Variants in CDH13 observed in about 807,000 individuals in gnomAD.
CDH13 encodes the protein cadherin 13.
A neutral mutation model predicts 63.8 loss-of-function variants in CDH13; 24 were observed. The ratio of observed to expected loss-of-function variants is 0.38; its 90% CI spans 0.27 to 0.53. The LOEUF (loss-of-function observed/expected upper bound fraction) is 0.53. Among genes scored for constraint, CDH13 ranks in the 20% least tolerant of loss-of-function variants. The pLI is 0.85. For synonymous variants in CDH13, 503 were observed against 355.3 expected (o/e 1.42, Z -4.67); for missense variants, 1,049 against 903.1 (o/e 1.16, Z -2.07).
intron 5 of CDH13, among the ~76,000 whole-genome samples, chr16:83,332,352 A>C (rs2090498423): frequency 6.6e-6 from 1 of 152,140 alleles, no homozygotes; most frequent in Non-Finnish European, 1.5e-5. Flanking sequence ...ATCCATCTGG[A>C]ATTCATTAGA....
chr16:83,338,846 A>G (rs895112832), intron 5 of CDH13, among the ~76,000 whole-genome samples: 1 of 152,206 alleles, frequency 6.6e-6, no homozygotes, highest in Admixed American at 6.5e-5. Flanking sequence ...ACATGAAATG[A>G]GTGTGAGGAA....
intron 7 of CDH13, among the ~76,000 whole-genome samples, chr16:83,560,900 C>CT (rs202123241): frequency 6.8e-5 from 2 of 29,536 alleles, no homozygotes; most frequent in Non-Finnish European, 2.1e-4. Flanking sequence ...ATAAGGTTGG[C>CT]CCCCCCCCCG....
intron 6 of CDH13, among the ~76,000 whole-genome samples, chr16:83,424,412 G>C (rs1379192425): frequency 6.6e-6 from 1 of 152,200 alleles, no homozygotes; most frequent in African/African-American, 2.4e-5. Context: ...AGCAGCCTTG[G>C]AGCTTTAGTT....
intron 1 of CDH13, among the ~76,000 whole-genome samples, chr16:82,808,869 T>G (rs1006240271): frequency 6.6e-6 from 1 of 152,202 alleles, no homozygotes; most frequent in African/African-American, 2.4e-5. Context: ...TTTTTACTAT[T>G]GTTTTTCATG....
intron 5 of CDH13, among the ~76,000 whole-genome samples, chr16:83,313,467 G>T (rs1327651636): frequency 2.6e-5 from 4 of 152,028 alleles, no homozygotes; most frequent in African/African-American, 7.3e-5. Flanking sequence ...TTTCAGTAAG[G>T]TTACTCTGTG....
At chr16:83,093,565 C>A (rs987173119) in intron 3 of CDH13, among the ~76,000 whole-genome samples, 2 of 151,968 alleles carry the variant, frequency 1.3e-5, no homozygotes, top group African/African-American at 4.8e-5. Flanking sequence ...GGTGATCCAC[C>A]TACCTCGGCC....
chr16:83,038,868 C>T (rs144323573), intron 3 of CDH13, among the ~76,000 whole-genome samples: 25 of 152,296 alleles, frequency 1.6e-4, no homozygotes, highest in Non-Finnish European at 2.2e-4. Context: ...TTGTAGCTTG[C>T]CTGATTATAG....
At chr16:83,683,928 T>C (rs1021963397) in intron 10 of CDH13, among the ~76,000 whole-genome samples, 2 of 152,228 alleles carry the variant, frequency 1.3e-5, no homozygotes, top group African/African-American at 4.8e-5. Context: ...AGGTTCCCAC[T>C]CTGTCGTCTC....
At chr16:83,263,324 G>C (rs1907206084) in intron 5 of CDH13, among the ~76,000 whole-genome samples, 1 of 152,158 alleles carries the variant, frequency 6.6e-6, no homozygotes, top group Non-Finnish European at 1.5e-5. Context: ...ACATTTCCAG[G>C]ATCAGTGAAT....
chr16:83,033,139 T>C (rs548981337), intron 3 of CDH13, among the ~76,000 whole-genome samples: 1 of 152,340 alleles, frequency 6.6e-6, no homozygotes, highest in South Asian at 2.1e-4. Context: ...TGTATACACA[T>C]ATGTATACAT....
At chr16:83,265,760 T>C (rs1175878296) in intron 5 of CDH13, among the ~76,000 whole-genome samples, 1 of 126,958 alleles carries the variant, frequency 7.9e-6, no homozygotes, top group Non-Finnish European at 1.6e-5. Context: ...TTTTGGTCTG[T>C]GTCATGTTAG....
chr16:83,717,212 A>C (rs8050410), intron 10 of CDH13: 1 of 152,128 alleles, frequency 6.6e-6, no homozygotes, highest in African/African-American at 2.4e-5. Flanking sequence ...GTGAGCCAAG[A>C]TTGCACCACT....
Position 83,670,810 on chromosome 16 carries a change from A to C in CDH13, c.1122A>C (p.Glu374Asp). ...TKKEFQATVE[E>D]GAVGVIVNLT... ...TGCAGTTTCAAGCCACAGTCGAGGA[A>C]GGAGCTGTGGGAGTTATTGTCAATT... The change falls in exon 9 of 14, where the codon GAA becomes GAC. Residue 374 changes from glutamate to aspartate, a missense_variant. Physicochemically the swap from Glu to Asp is conservative, Grantham distance 45. Transcript: ENST00000567109. The C allele has an allele frequency of 6.2e-7, 1 of 1,613,968 alleles. No individual in the cohort carries two copies. The highest frequency in any genetic ancestry group is 8.5e-7 in the Non-Finnish European group (1 of 1,179,854).
chr16:83,075,328 A>T (rs1260315139), intron 3 of CDH13, among the ~76,000 whole-genome samples: 1 of 152,138 alleles, frequency 6.6e-6, no homozygotes, highest in Non-Finnish European at 1.5e-5. Flanking sequence ...GTGAAGATGA[A>T]CTTGTGACAA....
intron 2 of CDH13, among the ~76,000 whole-genome samples, chr16:82,861,857 C>G (rs959842726): frequency 1.2e-4 from 19 of 152,208 alleles, no homozygotes; most frequent in Non-Finnish European, 2.8e-4. Context: ...CCAGTGGGCT[C>G]TTCACTGCAT....
chr16:82,991,650 A>G (rs1911671779), intron 2 of CDH13, among the ~76,000 whole-genome samples: 1 of 152,214 alleles, frequency 6.6e-6, no homozygotes, highest in Admixed American at 6.5e-5. Flanking sequence ...AGGGCAAGTC[A>G]TGATCTGAAA....
At chr16:82,721,828 G>C (rs1317989546) in intron 1 of CDH13, among the ~76,000 whole-genome samples, 2 of 152,126 alleles carry the variant, frequency 1.3e-5, no homozygotes, top group Admixed American at 6.5e-5. Context: ...GAGCAGAGAG[G>C]GCAGGGAGGA....
intron 2 of CDH13, among the ~76,000 whole-genome samples, chr16:82,913,426 C>A (rs1450579514): frequency 2.6e-5 from 4 of 152,090 alleles, no homozygotes; most frequent in Admixed American, 2.6e-4. Context: ...AGATCTAGGT[C>A]TGATACCTGC....
At chr16:82,853,979 C>G (rs572598640) in intron 1 of CDH13, among the ~76,000 whole-genome samples, 3 of 152,304 alleles carry the variant, frequency 2.0e-5, no homozygotes, top group African/African-American at 4.8e-5. Context: ...AGTTCTAATT[C>G]TTACAGCAAT....
Sources: gnomAD v4.1 joint callset for allele counts (sites outside exome capture counted in the v4.1 genomes callset) on GRCh38, gnomAD v4.1.1 for gene constraint, MANE v1.5 for transcripts, NCBI Gene and HGNC (gene_info 2026-07-23, HGNC 2026-07-21) for gene names.